Variants in PTPRK observed in about 807,000 individuals in gnomAD.
The protein encoded by PTPRK is protein tyrosine phosphatase receptor type K.
In PTPRK, 75 loss-of-function variants were observed where a neutral mutation model predicts 178.0. The observed-to-expected ratio is 0.42, with a 90% CI of 0.35 to 0.51. The LOEUF is 0.51. Among genes scored for constraint, PTPRK ranks in the 20% least tolerant of loss-of-function variants. The probability of loss-of-function intolerance (pLI) is 0.02; values close to 1 mark genes in which losing one functional copy is unlikely to be tolerated. For missense variants in PTPRK, 1,441 were observed against 1,797.8 expected (o/e 0.80, Z 3.59); for synonymous variants, 637 against 620.6 (o/e 1.03, Z -0.39).
chr6:128,395,730 T>G (rs752508959), intron 2 of PTPRK, among the ~76,000 whole-genome samples: 2 of 152,116 alleles, frequency 1.3e-5, no homozygotes, highest in Non-Finnish European at 2.9e-5. Context: ...TAAATGAGTC[T>G]GCTGACAAAG....
intron 1 of PTPRK, among the ~76,000 whole-genome samples, chr6:128,505,372 C>A (rs928221356): frequency 6.6e-6 from 1 of 150,868 alleles, no homozygotes; most frequent in Non-Finnish European, 1.5e-5. Flanking sequence ...ACCTGGGAGG[C>A]GGAGGTTGCA....
chr6:128,021,273 A>T lies in PTPRK; in HGVS notation c.2195-12005T>A, dbSNP rs191842818. Reference sequence around the variant, plus strand: ...ACTTCAGTGGGCTATAGATTGTCCAATTCTAGATAATCAACCTTTTTATAC... The same window carrying T: ...ACTTCAGTGGGCTATAGATTGTCCATTTCTAGATAATCAACCTTTTTATAC... On this transcript the variant is annotated intron_variant, in intron 13 of 29. Transcript: ENST00000368226. Among the ~76,000 whole-genome samples, 213 of 152,324 alleles carry T rather than the reference A, an allele frequency of 1.4e-3. 3 individuals are homozygous for T. The highest frequency in any genetic ancestry group is 4.9e-3 in the African/African-American group (204 of 41,586).
Position 128,239,976 on chromosome 6 carries a change from T to C in PTPRK, c.693+59A>G, listed in dbSNP as rs1814093533. 7 of 1,305,568 alleles carry C rather than the reference T, an allele frequency of 5.4e-6. 1 individual carries two copies. In the South Asian group the frequency reaches 6.1e-5, roughly 11 times the overall value. The allele number at this position is 1,305,568 out of a possible 1,614,324, so 80.9% of individuals were successfully genotyped here. On this transcript the variant is annotated intron_variant, in intron 5 of 29. Coordinates refer to ENST00000368226, the MANE Select transcript of PTPRK (RefSeq NM_002844.4). ...AAGGATGAGACAACAAACAGTCCTG[T>C]TGCAATGTTTTTAAAACATAAAGTA...
chr6:128,502,264 A>T (rs1008968126), intron 1 of PTPRK, among the ~76,000 whole-genome samples: 1 of 152,216 alleles, frequency 6.6e-6, no homozygotes, highest in Non-Finnish European at 1.5e-5. Context: ...AGCACCTGAG[A>T]CCAAAGAGAG....
intron 7 of PTPRK, among the ~76,000 whole-genome samples, chr6:128,096,769 C>G (rs539093515): frequency 6.6e-6 from 1 of 151,926 alleles, no homozygotes; most frequent in Non-Finnish European, 1.5e-5. Flanking sequence ...TTTATCAAAA[C>G]AAATACAAGA....
At chr6:128,080,583 A>T (rs1217125528) in intron 10 of PTPRK, among the ~76,000 whole-genome samples, 1 of 152,058 alleles carries the variant, frequency 6.6e-6, no homozygotes, top group Non-Finnish European at 1.5e-5. Flanking sequence ...AATTTAATAC[A>T]TGCACAATAT....
chr6:128,500,543 C>T (rs1357371610), intron 1 of PTPRK: 3 of 152,158 alleles, frequency 2.0e-5, no homozygotes, highest in African/African-American at 4.8e-5. Context: ...TTGAGTTTAA[C>T]GTCTACTGAT....
intron 7 of PTPRK, among the ~76,000 whole-genome samples, chr6:128,145,693 A>G (rs975765815): frequency 2.6e-5 from 4 of 152,186 alleles, no homozygotes; most frequent in African/African-American, 9.7e-5. Context: ...CTTACTAAAA[A>G]AATTAACCAT....
intron 2 of PTPRK, among the ~76,000 whole-genome samples, chr6:128,353,480 A>T (rs1232949138): frequency 6.6e-6 from 1 of 152,232 alleles, no homozygotes; most frequent in Non-Finnish European, 1.5e-5. Flanking sequence ...ATGAGAAAAC[A>T]GTTAAATAAA....
chr6:128,116,007 T>C (rs946208023), intron 7 of PTPRK, among the ~76,000 whole-genome samples: 2 of 152,040 alleles, frequency 1.3e-5, no homozygotes, highest in Admixed American at 6.6e-5. Context: ...TTAACATTCC[T>C]CCCCAAAACT....
chr6:128,288,218 T>C (rs950160608), intron 3 of PTPRK, among the ~76,000 whole-genome samples: 3 of 152,224 alleles, frequency 2.0e-5, no homozygotes, highest in Admixed American at 1.3e-4. Context: ...GGGTTCTTTG[T>C]ATTTCTTTCA....
chr6:128,480,416 CT>C lies in PTPRK; in HGVS notation c.100+39842del, dbSNP rs200976334. Reference sequence around the variant, plus strand: ...TAGGCTCATAAAGTTATTTGTGACTCTTTCTCTTCTTTATCAACATTCGTCC... The same window carrying C: ...TAGGCTCATAAAGTTATTTGTGACTCTTCTCTTCTTTATCAACATTCGTCC... On this transcript the variant is annotated intron_variant, in intron 1 of 29. Coordinates refer to ENST00000368226, the MANE Select transcript of PTPRK (RefSeq NM_002844.4). Among the ~76,000 whole-genome samples the C allele has an allele frequency of 4.1e-4, 62 of 152,110 alleles. No homozygotes were observed. The East Asian group carries it at 6.2e-3, about 15-fold the overall frequency.
intron 1 of PTPRK, among the ~76,000 whole-genome samples, chr6:128,479,906 G>A (rs540740760): frequency 1.3e-5 from 2 of 151,960 alleles, no homozygotes; most frequent in Non-Finnish European, 2.9e-5. Flanking sequence ...TCAAGAAATA[G>A]CTCAAGGCTC....
intron 3 of PTPRK, among the ~76,000 whole-genome samples, chr6:128,296,934 C>T (rs1265376363): frequency 1.3e-4 from 19 of 150,572 alleles, no homozygotes; most frequent in South Asian, 6.3e-4. Context: ...ACTGGCAAAT[C>T]GGATAAAGAG....
chr6:128,471,807 G>A (rs529278494), intron 1 of PTPRK, among the ~76,000 whole-genome samples: 2 of 152,034 alleles, frequency 1.3e-5, no homozygotes, highest in South Asian at 4.1e-4. Context: ...TGTATTTGGG[G>A]CTGGGTTTCA....
intron 11 of PTPRK, among the ~76,000 whole-genome samples, chr6:128,075,704 C>T (rs1039652560): frequency 6.6e-6 from 1 of 151,964 alleles, no homozygotes; most frequent in African/African-American, 2.4e-5. Context: ...TTTATAGAAT[C>T]CATTGGCGAT....
intron 2 of PTPRK, among the ~76,000 whole-genome samples, chr6:128,381,250 C>T (rs1290507639): frequency 2.0e-5 from 3 of 152,132 alleles, no homozygotes; most frequent in African/African-American, 7.2e-5. Flanking sequence ...GGAATAACTA[C>T]ATAAAAACAG....
At chr6:128,398,470 C>T (rs1381721527) in intron 1 of PTPRK, among the ~76,000 whole-genome samples, 2 of 152,172 alleles carry the variant, frequency 1.3e-5, no homozygotes, top group African/African-American at 4.8e-5. Context: ...GCCTCACAAA[C>T]CACCTGGAGT....
intron 2 of PTPRK, among the ~76,000 whole-genome samples, chr6:128,328,297 C>T (rs994680755): frequency 9.9e-5 from 15 of 152,122 alleles, no homozygotes; most frequent in African/African-American, 3.6e-4. Flanking sequence ...AGCTCCGGGG[C>T]AATAAATTGA....
Sources: allele counts gnomAD v4.1 joint callset (sites outside exome capture counted in the v4.1 genomes callset), GRCh38; gene constraint gnomAD v4.1.1; transcripts MANE v1.5; gene names NCBI Gene and HGNC (gene_info 2026-07-23, HGNC 2026-07-21).